The following RPS6KC1 variants were observed in gnomAD, a reference collection of about 807,000 sequenced individuals.
RPS6KC1 encodes inactive ribosomal protein S6 kinase delta-1.
Under a neutral mutation model 103.8 loss-of-function variants are expected in RPS6KC1, and 54 were observed. The ratio of observed to expected loss-of-function variants is 0.52; its 90% CI spans 0.42 to 0.65. RPS6KC1 has a LOEUF of 0.65. Among genes scored for constraint, RPS6KC1 ranks in the 30% least tolerant of loss-of-function variants. RPS6KC1 has a pLI of 0.00. For synonymous variants in RPS6KC1, 439 were observed against 438.7 expected (o/e 1.00, Z -0.01); for missense variants, 1,151 against 1,253.8 (o/e 0.92, Z 1.24).
the RPS6KC1 span, among the ~76,000 whole-genome samples, chr1:213,370,252 A>T: frequency 5.4e-5 from 8 of 148,252 alleles, no homozygotes; most frequent in African/African-American, 2.0e-4. Context: ...TATTTTATTT[A>T]TTTTATTTTA....
the RPS6KC1 span, among the ~76,000 whole-genome samples, chr1:213,705,244 G>T: frequency 6.6e-6 from 1 of 152,198 alleles, no homozygotes; most frequent in South Asian, 2.1e-4. Context: ...GTCCAGAGGT[G>T]CTGTCCGGGA....
the RPS6KC1 span, among the ~76,000 whole-genome samples, chr1:213,384,515 T>G: frequency 6.6e-6 from 1 of 151,990 alleles, no homozygotes; most frequent in Non-Finnish European, 1.5e-5. Flanking sequence ...GAGGCTTGCA[T>G]GATGGTTAGG....
Position 213,206,218 on chromosome 1 carries a change from G to C in RPS6KC1, c.1045-24279G>C, listed in dbSNP as rs1393310352. Among the ~76,000 whole-genome samples, 3 of 152,212 alleles carry C rather than the reference G, an allele frequency of 2.0e-5. No homozygotes were observed. The East Asian group carries it at 5.8e-4, about 29-fold the overall frequency. On this transcript the variant is annotated intron_variant, in intron 8 of 14. Transcript: ENST00000366960. ...CCTTTAAGTAATTTTGAAATAAAAG[G>C]ACTAGTTTCCTTTTACCTCCTAGGG... is the stretch of plus-strand genomic sequence containing the variant.
the RPS6KC1 span, among the ~76,000 whole-genome samples, chr1:213,404,333 G>A: frequency 6.6e-6 from 1 of 152,214 alleles, no homozygotes; most frequent in East Asian, 1.9e-4. Context: ...TGGGAGCACT[G>A]GCCAGGTAGA....
the RPS6KC1 span, among the ~76,000 whole-genome samples, chr1:213,356,378 A>G: frequency 2.0e-5 from 3 of 152,202 alleles, no homozygotes; most frequent in Admixed American, 2.0e-4. Flanking sequence ...CCCCCAGGCC[A>G]GGTGTGGTGG....
At chr1:213,293,995 A>G in the RPS6KC1 span, among the ~76,000 whole-genome samples, 1,292 of 152,342 alleles carry the variant, frequency 8.5e-3, 17 homozygotes, top group African/African-American at 0.028. Flanking sequence ...TTCTTTGTTT[A>G]TACTGAGCTT....
chr1:213,210,559 C>CA (rs1434337656), intron 8 of RPS6KC1, among the ~76,000 whole-genome samples: 1 of 152,174 alleles, frequency 6.6e-6, no homozygotes, highest in Non-Finnish European at 1.5e-5. Context: ...ATGAACTTGT[C>CA]AATTTGAGAA....
At chr1:213,857,939 A>G in the RPS6KC1 span, among the ~76,000 whole-genome samples, 2 of 152,160 alleles carry the variant, frequency 1.3e-5, no homozygotes, top group African/African-American at 4.8e-5. Context: ...CAAATAGGAG[A>G]GGGACTCTTG....
chr1:213,827,333 GC>G, the RPS6KC1 span, among the ~76,000 whole-genome samples: 1 of 152,294 alleles, frequency 6.6e-6, no homozygotes, highest in Non-Finnish European at 1.5e-5. Flanking sequence ...AGCTGGGCTT[GC>G]CTGCAACAAC....
the RPS6KC1 span, among the ~76,000 whole-genome samples, chr1:213,719,976 C>A: frequency 6.6e-6 from 1 of 151,994 alleles, no homozygotes; most frequent in Non-Finnish European, 1.5e-5. Context: ...CAGTCATTCC[C>A]CCTTTCCTTT....
At chr1:213,728,996 G>C in the RPS6KC1 span, among the ~76,000 whole-genome samples, 1 of 136,386 alleles carries the variant, frequency 7.3e-6, no homozygotes, top group African/African-American at 2.8e-5. Context: ...CACAGGGCAG[G>C]GTAAGCACAT....
At chr1:213,821,370 C>A in the RPS6KC1 span, 14 of 152,386 alleles carry the variant, frequency 9.2e-5, no homozygotes, top group African/African-American at 3.4e-4. Flanking sequence ...TCCCCCAGGG[C>A]AAGCCCAGAA....
At chr1:213,776,117 A>T in the RPS6KC1 span, among the ~76,000 whole-genome samples, 1 of 152,198 alleles carries the variant, frequency 6.6e-6, no homozygotes. Flanking sequence ...TCAACTCATC[A>T]AGTCATCCAT....
At chr1:213,549,705 G>A in the RPS6KC1 span, among the ~76,000 whole-genome samples, 1 of 144,614 alleles carries the variant, frequency 6.9e-6, no homozygotes, top group African/African-American at 2.6e-5. Context: ...TTCTTTGTTG[G>A]TTTCAGCAGC....
the RPS6KC1 span, among the ~76,000 whole-genome samples, chr1:213,767,027 G>A: frequency 6.6e-6 from 1 of 151,892 alleles, no homozygotes; most frequent in Non-Finnish European, 1.5e-5. Flanking sequence ...CTTTGTAAAT[G>A]CTCCCAATTC....
the RPS6KC1 span, among the ~76,000 whole-genome samples, chr1:213,627,815 T>A: frequency 6.6e-6 from 1 of 152,230 alleles, no homozygotes; most frequent in East Asian, 1.9e-4. Flanking sequence ...TGCTGCTGGA[T>A]TCAGTTTGCC....
the RPS6KC1 span, among the ~76,000 whole-genome samples, chr1:213,310,538 C>T: frequency 1.3e-5 from 2 of 152,152 alleles, no homozygotes; most frequent in Admixed American, 1.3e-4. Context: ...AGCACCCTAC[C>T]CCATCACCCT....
the RPS6KC1 span, among the ~76,000 whole-genome samples, chr1:213,479,152 G>A: frequency 1.3e-5 from 2 of 151,692 alleles, no homozygotes; most frequent in Non-Finnish European, 2.9e-5. Context: ...CCTTATGTTG[G>A]GCATGTGAAT....
the RPS6KC1 span, among the ~76,000 whole-genome samples, chr1:213,704,415 C>CT: frequency 7.1e-6 from 1 of 141,700 alleles, no homozygotes; most frequent in Non-Finnish European, 1.5e-5. Flanking sequence ...AAAAAAAACT[C>CT]TGATGTATTC....
Sources: gnomAD v4.1 joint callset for allele counts (sites outside exome capture counted in the v4.1 genomes callset) on GRCh38, gnomAD v4.1.1 for gene constraint, MANE v1.5 for transcripts, NCBI Gene and HGNC (gene_info 2026-07-23, HGNC 2026-07-21) for gene names.